CATSPERD: variants seen among roughly 807,000 people sequenced by gnomAD.
CATSPERD encodes catsper channel auxiliary subunit delta.
A neutral mutation model predicts 98.1 loss-of-function variants in CATSPERD; 86 were observed. That is an observed-to-expected ratio of 0.88 (90% CI 0.74 to 1.05). The LOEUF (loss-of-function observed/expected upper bound fraction) is 1.05. Among genes scored for constraint, CATSPERD ranks in the 50% least tolerant of loss-of-function variants. The pLI, the probability that CATSPERD is intolerant of heterozygous loss-of-function variation, is 0.00. For synonymous variants in CATSPERD, 394 were observed against 390.2 expected (o/e 1.01, Z -0.12); for missense variants, 995 against 1,005.7 (o/e 0.99, Z 0.14).
chr19:5,742,158 G>GTGTGTGCGTGTACATGTGTGCA lies in CATSPERD; in HGVS notation c.574-2263_574-2262insCGTGTACATGTGTGCATGTGTG, dbSNP rs1491418313. On this transcript the variant is annotated intron_variant, in intron 7 of 21. Coordinates refer to ENST00000381624, the MANE Select transcript of CATSPERD (RefSeq NM_152784.4). Reference sequence around the variant, plus strand: ...TGTGCGCGTGTGTACGTGTGTGAACGTGTGTGTGCGTGTGTGTATGTATGT... The same window carrying GTGTGTGCGTGTACATGTGTGCA: ...TGTGCGCGTGTGTACGTGTGTGAACGTGTGTGCGTGTACATGTGTGCATGTGTGTGCGTGTGTGTATGTATGT... 6.4e-4 allele frequency among the ~76,000 whole-genome samples: 33 copies of GTGTGTGCGTGTACATGTGTGCA among 51,308 alleles called. 1 individual carries two copies. Among genetic ancestry groups the GTGTGTGCGTGTACATGTGTGCA allele is most frequent in the African/African-American group, 1.7e-3 (32 of 18,646 alleles). 33.7% of individuals were successfully genotyped at this position (51,308 alleles called of 152,430 possible). A position where few individuals can be genotyped will look rare whatever the true frequency, so the allele number is the denominator to read the frequency against.
intron 1 of CATSPERD, among the ~76,000 whole-genome samples, chr19:5,722,304 G>A (rs559070981): frequency 1.7e-3 from 254 of 152,162 alleles, no homozygotes; most frequent in African/African-American, 5.7e-3. Flanking sequence ...TGTGTTTTTA[G>A]TAGAGACAGG....
At chr19:5,737,327 G>C in intron 6 of CATSPERD, 122 bp downstream of exon 6, 2 of 606,916 alleles carry the variant, frequency 3.3e-6, no homozygotes, top group Non-Finnish European at 5.8e-6. Context: ...TTGGGAGGCC[G>C]AGGCAAGAGG....
chr19:5,733,733 AGCGAGGGCCACCGC>A, intron 4 of CATSPERD, 109 bp from the exon 5 acceptor site: 1 of 670,142 alleles, frequency 1.5e-6, no homozygotes, highest in Non-Finnish European at 2.5e-6. Flanking sequence ...TGGGATTACA[AGCGAGGGCCACCGC>A]GCCCGTCCAT....
chr19:5,768,303 C>A lies in CATSPERD; in HGVS notation c.1634+61C>A, dbSNP rs1256187056. ...AGGCGACCATTGGGCCTGCAAAAGC[C>A]AAGAGCAAATTAGGAATTTTATTTA... On this transcript the variant is annotated intron_variant, in intron 18 of 21. Coordinates refer to ENST00000381624, the MANE Select transcript of CATSPERD (RefSeq NM_152784.4). The A allele has an allele frequency of 2.1e-5, 27 of 1,287,690 alleles. No individual in the cohort carries two copies. In the Admixed American group the frequency reaches 5.3e-4, roughly 25 times the overall value. The allele number at this position is 1,287,690 out of a possible 1,614,324, so 79.8% of individuals were successfully genotyped here. A position where few individuals can be genotyped will look rare whatever the true frequency, so the allele number is the denominator to read the frequency against.
At chr19:5,775,299 G>A (rs2056720640) in intron 20 of CATSPERD, 2 of 471,278 alleles carry the variant, frequency 4.2e-6, no homozygotes, top group African/African-American at 2.0e-5. Context: ...AGTGAGTAAA[G>A]GCAGTCCCTC....
chr19:5,730,552 T>TGATAA (rs2055693906), intron 4 of CATSPERD, among the ~76,000 whole-genome samples: 1 of 64,884 alleles, frequency 1.5e-5, no homozygotes, highest in Non-Finnish European at 3.0e-5. Context: ...TAAAAAATAA[T>TGATAA]AATAAAATAA....
At chr19:5,732,417 T>G (rs1347183253) in intron 4 of CATSPERD, among the ~76,000 whole-genome samples, 3 of 151,576 alleles carry the variant, frequency 2.0e-5, no homozygotes, top group African/African-American at 7.3e-5. Flanking sequence ...CTGGCATACA[T>G]GGTGTTTTTT....
chr19:5,758,729 C>T lies in CATSPERD; in HGVS notation c.1369-357C>T, dbSNP rs1174103987. Among the ~76,000 whole-genome samples, 6 of 145,746 alleles carry T rather than the reference C, an allele frequency of 4.1e-5. No homozygotes were observed. In the East Asian group the frequency reaches 6.0e-4, roughly 15 times the overall value. ...CTGCACTCCAGCCTGGGCGACAGAGCGAGACTCAGTCTTAAAAAAAAAAGA... is the reference window on the plus strand; with the variant it reads ...CTGCACTCCAGCCTGGGCGACAGAGTGAGACTCAGTCTTAAAAAAAAAAGA... On this transcript the variant is annotated intron_variant, in intron 14 of 21. Transcript: ENST00000381624.
At chr19:5,776,436 C>A in intron 21 of CATSPERD, 121 bp downstream of exon 21, 1 of 1,080,030 alleles carries the variant, frequency 9.3e-7, no homozygotes, top group Non-Finnish European at 1.3e-6. Context: ...CCCAGGCCGT[C>A]CCCAGGACAA....
intron 17 of CATSPERD, among the ~76,000 whole-genome samples, chr19:5,766,697 AT>A (rs113358889): frequency 0.8 from 116,191 of 145,846 alleles, 46,421 homozygotes; most frequent in Non-Finnish European, 0.85. Flanking sequence ...TGATATCCAC[AT>A]TTTTTTTTTT....
chr19:5,766,972 C>A (rs1158900717), intron 17 of CATSPERD, among the ~76,000 whole-genome samples: 1 of 151,336 alleles, frequency 6.6e-6, no homozygotes. Context: ...GGATTACAGG[C>A]ATGAGCCACC....
At chr19:5,754,392 TC>T in intron 13 of CATSPERD, 147 bp downstream of exon 13, 16 of 429,414 alleles carry the variant, frequency 3.7e-5, no homozygotes, top group East Asian at 8.0e-5. Flanking sequence ...TGTCTCTGTG[TC>T]TTTTTTTTTT....
At chr19:5,776,482 T>A (rs1239855801) in intron 21 of CATSPERD, among the ~76,000 whole-genome samples, 167 bp downstream of exon 21, 1 of 152,190 alleles carries the variant, frequency 6.6e-6, no homozygotes, top group Non-Finnish European at 1.5e-5. Flanking sequence ...TTTGTTCCCA[T>A]GTGAACTAAA....
intron 9 of CATSPERD, among the ~76,000 whole-genome samples, chr19:5,747,132 G>A (rs578261780): frequency 4.1e-5 from 6 of 146,954 alleles, no homozygotes; most frequent in South Asian, 4.3e-4. Flanking sequence ...GCTCTGAGCC[G>A]CTGTACTCAA....
At chr19:5,774,711 T>C (rs2056709859) in intron 20 of CATSPERD, among the ~76,000 whole-genome samples, 1 of 149,670 alleles carries the variant, frequency 6.7e-6, no homozygotes, top group African/African-American at 2.5e-5. Context: ...TAAAATAAAA[T>C]TTAAAAATAA....
chr19:5,725,177 G>T (rs1483522829), intron 2 of CATSPERD, among the ~76,000 whole-genome samples: 1 of 152,002 alleles, frequency 6.6e-6, no homozygotes, highest in Non-Finnish European at 1.5e-5. Flanking sequence ...TTTGAGACAG[G>T]GTCTTGCACT....
intron 8 of CATSPERD, 32 bp from the exon 9 acceptor site, chr19:5,745,881 G>T (rs527602493): frequency 1.2e-6 from 2 of 1,611,280 alleles, no homozygotes; most frequent in African/African-American, 2.7e-5. Flanking sequence ...GTAGGGTTTG[G>T]GGAGAGGCTG....
At chr19:5,776,034 C>T (rs1299897263) in intron 20 of CATSPERD, 127 bp from the exon 21 acceptor site, 10 of 1,002,248 alleles carry the variant, frequency 1.0e-5, no homozygotes, top group Middle Eastern at 3.3e-4. Context: ...GGCACTTGGC[C>T]CCAGAGTCCC....
At chr19:5,771,728 G>A (rs1402962685) in intron 19 of CATSPERD, among the ~76,000 whole-genome samples, 1 of 151,326 alleles carries the variant, frequency 6.6e-6, no homozygotes, top group African/African-American at 2.4e-5. Flanking sequence ...GTGCCACCAT[G>A]CCTGGCTAGT....
Sources: gnomAD v4.1 joint callset for allele counts (sites outside exome capture counted in the v4.1 genomes callset) on GRCh38, gnomAD v4.1.1 for gene constraint, MANE v1.5 for transcripts, NCBI Gene and HGNC (gene_info 2026-07-23, HGNC 2026-07-21) for gene names.